Variants in SAMD4A observed in about 807,000 individuals in gnomAD.
SAMD4A encodes sterile alpha motif domain containing 4A, also known as protein Smaug homolog 1.
A neutral mutation model predicts 81.3 loss-of-function variants in SAMD4A; 33 were observed. The ratio of observed to expected loss-of-function variants is 0.41; its 90% CI spans 0.31 to 0.54. The LOEUF (loss-of-function observed/expected upper bound fraction) is 0.54, where lower values mean the gene tolerates loss of function less well. Ranked by LOEUF, SAMD4A falls within the 20% of genes least tolerant of loss-of-function variation. The pLI is 0.37. For synonymous variants in SAMD4A, 389 were observed against 382.1 expected (o/e 1.02, Z -0.21); for missense variants, 854 against 951.1 (o/e 0.90, Z 1.34).
intron 4 of SAMD4A, among the ~76,000 whole-genome samples, chr14:54,744,128 A>T (rs1014574785): frequency 6.6e-6 from 1 of 152,152 alleles, no homozygotes; most frequent in African/African-American, 2.4e-5. Flanking sequence ...GACCACCCCT[A>T]CGTGAGCCCT....
At chr14:54,572,353 C>A (rs955402694) in intron 2 of SAMD4A, among the ~76,000 whole-genome samples, 7 of 151,980 alleles carry the variant, frequency 4.6e-5, no homozygotes, top group Non-Finnish European at 1.0e-4. Flanking sequence ...GGAGTTGGTT[C>A]AATATTTTAA....
rs190759620 is a variant in SAMD4A, at chr14:54,634,411, G to A, written c.196+66299G>A. The stretch of plus-strand genomic sequence containing the variant: ...AAAGCTTTACATTATCTGTATCAGC[G>A]GTCCCCCACCTTTTTGGCACCAGGG... On this transcript the variant is annotated intron_variant, in intron 2 of 12. Transcript: ENST00000554335. Among the ~76,000 whole-genome samples the A allele has an allele frequency of 2.6e-5, 4 of 152,156 alleles. 1 individual carries two copies. The highest frequency in any genetic ancestry group is 3.9e-4 in the East Asian group (2 of 5,178).
chr14:54,657,522 G>A (rs1046661351), intron 2 of SAMD4A, among the ~76,000 whole-genome samples: 5 of 152,222 alleles, frequency 3.3e-5, no homozygotes, highest in African/African-American at 1.2e-4. Context: ...GAGAAGAGAA[G>A]AGGTAGTAGG....
At chr14:54,663,645 C>T (rs1246123019) in intron 2 of SAMD4A, among the ~76,000 whole-genome samples, 2 of 152,288 alleles carry the variant, frequency 1.3e-5, no homozygotes. Context: ...CTCTTCCAAT[C>T]CCTAGAAAGG....
chr14:54,577,652 T>C (rs2033341906), intron 2 of SAMD4A, among the ~76,000 whole-genome samples: 1 of 152,216 alleles, frequency 6.6e-6, no homozygotes, highest in Admixed American at 6.5e-5. Context: ...CTAAACTCTG[T>C]AATACAGTCA....
Position 54,737,076 on chromosome 14 carries a change from C to T in SAMD4A, c.768C>T (p.Thr256=). The stretch of plus-strand genomic sequence containing the variant: ...CTTTGAAACGATCTGTGTCCCTTAC[C>T]CCACCCATGAATGTGCCAAACCAGC... ...HSPLKRSVSL[T]PPMNVPNQPL... is the part of the protein sequence containing the mutation. The change falls in exon 4 of 13, where the codon ACC becomes ACT. Residue 256 remains threonine (T), a synonymous_variant. Transcript: ENST00000554335. The T allele has an allele frequency of 6.2e-7, 1 of 1,614,066 alleles. No homozygotes were observed. The highest frequency in any genetic ancestry group is 8.5e-7 in the Non-Finnish European group (1 of 1,179,996).
At chr14:54,734,741 A>G (rs1372427917) in intron 3 of SAMD4A, among the ~76,000 whole-genome samples, 1 of 152,236 alleles carries the variant, frequency 6.6e-6, no homozygotes, top group African/African-American at 2.4e-5. Flanking sequence ...TCCATGAAAT[A>G]ATGGAATTCA....
At chr14:54,626,019 T>G (rs1036542662) in intron 2 of SAMD4A, among the ~76,000 whole-genome samples, 1 of 44,550 alleles carries the variant, frequency 2.2e-5, no homozygotes, top group East Asian at 8.7e-4. Flanking sequence ...CTGCTAGGTG[T>G]GTGTGTGTGT....
At chr14:54,744,605 CTG>C (rs1330115132) in intron 4 of SAMD4A, among the ~76,000 whole-genome samples, 1 of 152,200 alleles carries the variant, frequency 6.6e-6, no homozygotes, top group Non-Finnish European at 1.5e-5. Flanking sequence ...AGGATGAAGA[CTG>C]TGGGATGAGA....
At chr14:54,583,868 G>A (rs2033543377) in intron 2 of SAMD4A, among the ~76,000 whole-genome samples, 1 of 152,182 alleles carries the variant, frequency 6.6e-6, no homozygotes, top group South Asian at 2.1e-4. Context: ...GAATTTAAAT[G>A]ATTTTGGTTT....
At position 54,770,158 on chromosome 14, in the gene SAMD4A, A is replaced by C; in HGVS notation, c.1651A>C (p.Lys551Gln). The C allele has an allele frequency of 6.2e-7, 1 of 1,614,238 alleles. No homozygotes were observed. The highest frequency in any genetic ancestry group is 8.5e-7 in the Non-Finnish European group (1 of 1,180,028). The change falls in exon 9 of 13, where the codon AAG becomes CAG. Residue 551 changes from lysine (K) to glutamine (Q), a missense_variant. Lys to Gln is a moderately conservative substitution (Grantham distance 53). Coordinates refer to ENST00000554335, the MANE Select transcript of SAMD4A (RefSeq NM_015589.6). ...GTTGTCATGGAAACAGCAGGTGCAG[A>C]AGCTCTTTCGGTCTTTCCCTCGGAA... ...RLLSWKQQVQ[K>Q]LFRSFPRKTL...
intron 4 of SAMD4A, among the ~76,000 whole-genome samples, chr14:54,742,404 A>G (rs1269970021): frequency 6.6e-6 from 1 of 152,166 alleles, no homozygotes; most frequent in Non-Finnish European, 1.5e-5. Flanking sequence ...GGAGGTGTGC[A>G]ACCCCCTCAG....
chr14:54,715,378 G>A (rs556766196), intron 3 of SAMD4A, among the ~76,000 whole-genome samples: 4 of 152,036 alleles, frequency 2.6e-5, no homozygotes, highest in Non-Finnish European at 5.9e-5. Flanking sequence ...CTGATGAGTC[G>A]ATAGTACTCA....
chr14:54,673,289 C>G (rs2035924407), intron 2 of SAMD4A, among the ~76,000 whole-genome samples: 1 of 152,226 alleles, frequency 6.6e-6, no homozygotes, highest in South Asian at 2.1e-4. Flanking sequence ...CTTTCACGCT[C>G]AGGCCTAAAG....
At position 54,775,149 on chromosome 14, in the gene SAMD4A, C is replaced by T; in HGVS notation, c.1917+14C>T. The T allele has an allele frequency of 6.2e-7, 1 of 1,614,100 alleles. No homozygotes were observed. The highest frequency in any genetic ancestry group is 8.5e-7 in the Non-Finnish European group (1 of 1,179,954). ...CAAGGAAGACAGGTTTGTTCTGCCC[C>T]AAGGAAGGAGGAGGATGGCCAAGCT... On this transcript the variant is annotated intron_variant, in intron 10 of 12. Transcript: ENST00000554335.
chr14:54,760,868 C>T (rs1438152387), intron 7 of SAMD4A, among the ~76,000 whole-genome samples: 3 of 152,194 alleles, frequency 2.0e-5, no homozygotes, highest in Non-Finnish European at 4.4e-5. Context: ...ACCCTCTCTC[C>T]AAAGCAAAAG....
At chr14:54,761,169 G>A (rs189226062) in intron 7 of SAMD4A, among the ~76,000 whole-genome samples, 86 of 152,292 alleles carry the variant, frequency 5.6e-4, no homozygotes, top group African/African-American at 1.9e-3. Context: ...ACAGTTCTCC[G>A]TGCTTTACCT....
rs918903624 is a variant in SAMD4A, at chr14:54,792,290, G to C, written c.*3346G>C. The C allele has an allele frequency of 5.9e-5, 9 of 152,202 alleles. No homozygotes were observed. Among genetic ancestry groups the C allele is most frequent in the Non-Finnish European group, 2.9e-5 (2 of 68,056 alleles). 9.4% of individuals were successfully genotyped at this position (152,202 alleles called of 1,614,324 possible). ...ATTGAGGGTTCCTTTTTGGTACTCA[G>C]GATTGGAGCTACAGCTGGGCCCCCC... is the stretch of plus-strand genomic sequence containing the variant. On this transcript the variant is annotated 3_prime_UTR_variant, in exon 13 of 13. Transcript: ENST00000554335.
intron 11 of SAMD4A, 106 bp downstream of exon 11, chr14:54,776,646 C>A: frequency 7.8e-7 from 1 of 1,279,990 alleles, no homozygotes; most frequent in Non-Finnish European, 1.0e-6. Context: ...ACCGTGCATT[C>A]TTTGGAGCTT....
Sources: gnomAD v4.1 joint callset for allele counts (sites outside exome capture counted in the v4.1 genomes callset) on GRCh38, gnomAD v4.1.1 for gene constraint, MANE v1.5 for transcripts, NCBI Gene and HGNC (gene_info 2026-07-23, HGNC 2026-07-21) for gene names.